ITGA4: variants seen among roughly 807,000 people sequenced by gnomAD.
The protein encoded by ITGA4 is integrin subunit alpha 4, also known as integrin alpha-4.
A neutral mutation model predicts 133.6 loss-of-function variants in ITGA4; 63 were observed. The ratio of observed to expected loss-of-function variants is 0.47; its 90% CI spans 0.38 to 0.58. The LOEUF is 0.58. Ranked by LOEUF, ITGA4 falls within the 20% of genes least tolerant of loss-of-function variation. The pLI, the probability that ITGA4 is intolerant of heterozygous loss-of-function variation, is 0.00. For synonymous variants in ITGA4, 483 were observed against 438.0 expected (o/e 1.10, Z -1.28); for missense variants, 1,076 against 1,252.7 (o/e 0.86, Z 2.13).
chr2:181,504,644 C>T (rs1463404633), intron 15 of ITGA4, among the ~76,000 whole-genome samples: 1 of 151,948 alleles, frequency 6.6e-6, no homozygotes, highest in Non-Finnish European at 1.5e-5. Flanking sequence ...GTGAATTCTT[C>T]ATTAGATTGC....
Position 181,535,615 on chromosome 2 carries a change from T to C in ITGA4, c.*88T>C, listed in dbSNP as rs1176064903. ...ACACTGTTTACAAGAAAAAATGAAT[T>C]TTGTTTGGACTTCTTTTACTCATGA... On this transcript the variant is annotated 3_prime_UTR_variant, in exon 28 of 28. Coordinates refer to ENST00000397033, the MANE Select transcript of ITGA4 (RefSeq NM_000885.6). 1 of 1,470,572 alleles carries C rather than the reference T, an allele frequency of 6.8e-7. No homozygotes were observed. Among genetic ancestry groups the C allele is most frequent in the African/African-American group, 1.4e-5 (1 of 70,904 alleles). The allele number at this position is 1,470,572 out of a possible 1,614,324, so 91.1% of individuals were successfully genotyped here. A position where few individuals can be genotyped will look rare whatever the true frequency, so the allele number is the denominator to read the frequency against.
Position 181,531,802 on chromosome 2 carries a change from C to A in ITGA4, c.2784+26C>A, listed in dbSNP as rs558051520. 1.9e-6 allele frequency: 3 copies of A among 1,546,224 alleles called. No homozygotes were observed. The South Asian group carries it at 3.7e-5, about 19-fold the overall frequency. On this transcript the variant is annotated intron_variant, in intron 25 of 27. Coordinates refer to ENST00000397033, the MANE Select transcript of ITGA4 (RefSeq NM_000885.6). Reference sequence around the variant, plus strand: ...GTAAGTAAGTCTAAAACATTGACAACTTGGTGGCTAAGTTTACATAAAATC... The same window carrying A: ...GTAAGTAAGTCTAAAACATTGACAAATTGGTGGCTAAGTTTACATAAAATC...
At chr2:181,528,515 A>G (rs1466474249) in intron 22 of ITGA4, among the ~76,000 whole-genome samples, 3 of 152,184 alleles carry the variant, frequency 2.0e-5, no homozygotes, top group Admixed American at 6.5e-5. Context: ...AACTATGTAG[A>G]TATTCTTAGA....
chr2:181,473,908 T>C lies in ITGA4; in HGVS notation c.320-1052T>C, dbSNP rs115181119. Among the ~76,000 whole-genome samples the C allele has an allele frequency of 8.3e-3, 1,271 of 152,292 alleles. 21 individuals carry two copies. Among genetic ancestry groups the C allele is most frequent in the African/African-American group, 0.029 (1,186 of 41,544 alleles). Reference sequence around the variant, plus strand: ...AGGAGGAGACAAAGTGCCAATGATATAGAGAATGGTCACCATAAATTCATG... The same window carrying C: ...AGGAGGAGACAAAGTGCCAATGATACAGAGAATGGTCACCATAAATTCATG... On this transcript the variant is annotated intron_variant, in intron 2 of 27. Transcript: ENST00000397033.
rs139223161 is a variant in ITGA4, at chr2:181,494,819, A to G, written c.1339+7A>G. ...GATAATAATGGCTATGTAGGTGAGT[A>G]ATTAGTTTATCATAATTTATAAATT... is the stretch of plus-strand genomic sequence containing the variant. On this transcript the variant is annotated splice_region_variant and intron_variant, in intron 12 of 27. Transcript: ENST00000397033. 6.1e-4 allele frequency: 841 copies of G among 1,370,046 alleles called. 5 individuals are homozygous for G. In the African/African-American group the frequency reaches 0.011, roughly 18 times the overall value. 84.9% of individuals were successfully genotyped at this position (1,370,046 alleles called of 1,614,324 possible).
chr2:181,504,763 A>G (rs1043839271), intron 15 of ITGA4, among the ~76,000 whole-genome samples: 2 of 152,008 alleles, frequency 1.3e-5, no homozygotes, highest in African/African-American at 4.8e-5. Flanking sequence ...TATGGATGCT[A>G]TGTTCTTGGT....
intron 10 of ITGA4, 41 bp downstream of exon 10, chr2:181,486,033 A>G (rs1685907101): frequency 1.3e-6 from 2 of 1,556,352 alleles, no homozygotes; most frequent in East Asian, 4.7e-5. Flanking sequence ...TTCTGCTTTT[A>G]AAATGGTTTA....
chr2:181,458,107 CCTGCTGCGGA>C, intron 1 of ITGA4, 79 bp from the exon 2 acceptor site: 1 of 1,566,274 alleles, frequency 6.4e-7, no homozygotes, highest in African/African-American at 1.3e-5. Flanking sequence ...GGGAAGCTGC[CCTGCTGCGGA>C]CTGCACATCT....
chr2:181,525,606 A>G (rs966391873), intron 21 of ITGA4, among the ~76,000 whole-genome samples: 1 of 152,220 alleles, frequency 6.6e-6, no homozygotes, highest in African/African-American at 2.4e-5. Flanking sequence ...GGAATTAGGC[A>G]GTATGCAGTC....
In ITGA4 at chr2:181,496,190, A is replaced by G. The variant is rs188163487; in HGVS notation, c.1540+253A>G. Among the ~76,000 whole-genome samples, 39 of 152,334 alleles carry G rather than the reference A, an allele frequency of 2.6e-4. No homozygotes were observed. Among genetic ancestry groups the G allele is most frequent in the African/African-American group, 8.4e-4 (35 of 41,582 alleles). On this transcript the variant is annotated intron_variant, in intron 14 of 27. Transcript: ENST00000397033. ...CAAAGGACATAGTATCACTTGCTAT[A>G]TTAGTTTAAGGTAAACCAACTGAGC... is the stretch of plus-strand genomic sequence containing the variant.
In ITGA4 at chr2:181,481,647, AGTC is replaced by A; in HGVS notation, c.806_808del (p.Val269del). 3 of 1,599,576 alleles carry A rather than the reference AGTC, an allele frequency of 1.9e-6. No individual in the cohort carries two copies. Among genetic ancestry groups the A allele is most frequent in the Non-Finnish European group, 2.6e-6 (3 of 1,168,966 alleles). On this transcript the variant is annotated inframe_deletion, in exon 7 of 28. Coordinates refer to ENST00000397033, the MANE Select transcript of ITGA4 (RefSeq NM_000885.6). ...TTCGGAGCCAGCATACTACCGAAGT[AGTC>A]GGAGGAGCTCCTCAACATGAGCAGA...
At chr2:181,518,053 G>A (rs1029668528) in intron 17 of ITGA4, among the ~76,000 whole-genome samples, 26 of 151,926 alleles carry the variant, frequency 1.7e-4, no homozygotes, top group African/African-American at 5.8e-4. Context: ...TAGAGTTTGG[G>A]GTGGGGGGGC....
chr2:181,535,021 A>G, intron 27 of ITGA4, 86 bp downstream of exon 27: 22 of 1,392,082 alleles, frequency 1.6e-5, no homozygotes, highest in Non-Finnish European at 2.1e-5. Flanking sequence ...TTAGATTTAA[A>G]TATTTCACTA....
chr2:181,485,137 A>G (rs1042135500), intron 9 of ITGA4, among the ~76,000 whole-genome samples: 1 of 152,188 alleles, frequency 6.6e-6, no homozygotes, highest in Admixed American at 6.5e-5. Context: ...GCCAGCTTCA[A>G]TCATGTCACT....
chr2:181,525,933 CA>C (rs1245018846), intron 21 of ITGA4, among the ~76,000 whole-genome samples: 1 of 152,196 alleles, frequency 6.6e-6, no homozygotes, highest in Non-Finnish European at 1.5e-5. Context: ...AGAACTTATT[CA>C]TGGTGTTAGT....
In ITGA4 at chr2:181,458,561, TTTC is replaced by T. The variant is rs1685191083; in HGVS notation, c.319+247_319+249del. 1.6e-5 allele frequency: 8 copies of T among 512,818 alleles called. No individual in the cohort carries two copies. The South Asian group carries it at 1.9e-4, about 12-fold the overall frequency. 31.8% of individuals were successfully genotyped at this position (512,818 alleles called of 1,614,324 possible). ...TACTCTGACAACTATGCTAGAGAAATTTCTTATGATACCTTCTCTTCATCTCTC... is the reference window on the plus strand; with the variant it reads ...TACTCTGACAACTATGCTAGAGAAATTTATGATACCTTCTCTTCATCTCTC... On this transcript the variant is annotated intron_variant, in intron 2 of 27. Coordinates refer to ENST00000397033, the MANE Select transcript of ITGA4 (RefSeq NM_000885.6).
intron 2 of ITGA4, among the ~76,000 whole-genome samples, chr2:181,469,552 C>A (rs900642937): frequency 2.6e-5 from 4 of 152,148 alleles, no homozygotes. Flanking sequence ...TTGACCCAGC[C>A]ATCCCATGAC....
intron 2 of ITGA4, among the ~76,000 whole-genome samples, chr2:181,465,840 G>A (rs1685398280): frequency 6.6e-6 from 1 of 151,924 alleles, no homozygotes; most frequent in Non-Finnish European, 1.5e-5. Flanking sequence ...TGTGACCTTG[G>A]GCAAGTGCTT....
chr2:181,478,163 C>G (rs1685721334), intron 4 of ITGA4, among the ~76,000 whole-genome samples: 1 of 151,962 alleles, frequency 6.6e-6, no homozygotes, highest in Non-Finnish European at 1.5e-5. Context: ...TCTGTGGAAT[C>G]TAAAAAAGTC....
Sources: allele counts gnomAD v4.1 joint callset (sites outside exome capture counted in the v4.1 genomes callset), GRCh38; gene constraint gnomAD v4.1.1; transcripts MANE v1.5; gene names NCBI Gene and HGNC (gene_info 2026-07-23, HGNC 2026-07-21).